PRKAR1B: variants seen among roughly 807,000 people sequenced by gnomAD.
The protein encoded by PRKAR1B is protein kinase cAMP-dependent type I regulatory subunit beta.
In PRKAR1B, 22 loss-of-function variants were observed where a neutral mutation model predicts 46.5. That is an observed-to-expected ratio of 0.47 (90% CI 0.34 to 0.68). The LOEUF (loss-of-function observed/expected upper bound fraction) is 0.68, where lower values mean the gene tolerates loss of function less well. PRKAR1B is among the 30% of genes least tolerant of loss of function. PRKAR1B has a pLI of 0.01. For missense variants in PRKAR1B, 445 were observed against 535.6 expected, an observed-to-expected ratio of 0.83 and a Z score of 1.67; for synonymous variants, 259 against 217.7, an observed-to-expected ratio of 1.19 and a Z score of -1.67.
Position 607,508 on chromosome 7 carries a change from C to G in PRKAR1B, c.441-56G>C, listed in dbSNP as rs1782164356. 4 of 1,415,492 alleles carry G rather than the reference C, an allele frequency of 2.8e-6. No homozygotes were observed. In the South Asian group the frequency reaches 4.6e-5, roughly 16 times the overall value. The allele number at this position is 1,415,492 out of a possible 1,614,324, so 87.7% of individuals were successfully genotyped here. A position where few individuals can be genotyped will look rare whatever the true frequency, so the allele number is the denominator to read the frequency against. On this transcript the variant is annotated intron_variant, in intron 4 of 10. Transcript: ENST00000537384. ...GCAGGCAGCACAGGGACATTTAAAC[C>G]CTTCCTCCCCTCATTTCACAGTCTT...
intron 4 of PRKAR1B, among the ~76,000 whole-genome samples, chr7:645,691 C>A (rs982588990): frequency 6.6e-6 from 1 of 152,138 alleles, no homozygotes; most frequent in African/African-American, 2.4e-5. Context: ...GAGTTCCAAG[C>A]CCTCCAGCCT....
intron 4 of PRKAR1B, among the ~76,000 whole-genome samples, chr7:675,375 C>A (rs1018818527): frequency 6.6e-6 from 1 of 152,226 alleles, no homozygotes; most frequent in Non-Finnish European, 1.5e-5. Flanking sequence ...GAGCCCCCAC[C>A]AGACCACCAC....
intron 1 of PRKAR1B, among the ~76,000 whole-genome samples, chr7:718,587 C>T (rs1306565339): frequency 3.3e-5 from 5 of 151,796 alleles, no homozygotes; most frequent in African/African-American, 1.2e-4. Context: ...GAACTCCTGA[C>T]CTCAGGTGAT....
chr7:656,106 G>T (rs191127857), intron 4 of PRKAR1B, among the ~76,000 whole-genome samples: 10 of 152,302 alleles, frequency 6.6e-5, no homozygotes, highest in Admixed American at 3.9e-4. Context: ...TCCAGCACTG[G>T]GCACAGAGGA....
intron 2 of PRKAR1B, among the ~76,000 whole-genome samples, chr7:688,337 G>A (rs1414864232): frequency 6.6e-6 from 1 of 151,510 alleles, no homozygotes; most frequent in Non-Finnish European, 1.5e-5. Context: ...CCGGGAGGTG[G>A]AGGTTGCGGT....
intron 4 of PRKAR1B, among the ~76,000 whole-genome samples, chr7:628,801 C>A (rs948379726): frequency 1.3e-5 from 2 of 151,892 alleles, no homozygotes; most frequent in Non-Finnish European, 2.9e-5. Context: ...TTCCAAGAAA[C>A]CCTCTGAAAT....
At chr7:558,061 C>T (rs1471636720) in intron 9 of PRKAR1B, among the ~76,000 whole-genome samples, 2 of 152,034 alleles carry the variant, frequency 1.3e-5, no homozygotes, top group Admixed American at 1.3e-4. Flanking sequence ...CGCCTGTAAT[C>T]CCAGCACTTT....
chr7:687,065 G>A (rs1283329184), intron 2 of PRKAR1B, among the ~76,000 whole-genome samples: 1 of 152,152 alleles, frequency 6.6e-6, no homozygotes, highest in African/African-American at 2.4e-5. Flanking sequence ...GGTGATCCAG[G>A]ATTACTAGCA....
Position 669,910 on chromosome 7 carries a change from G to A in PRKAR1B, c.440+7319C>T, listed in dbSNP as rs572250908. Among the ~76,000 whole-genome samples, 941 of 139,510 alleles carry A rather than the reference G, an allele frequency of 6.7e-3. 11 individuals are homozygous for A. Among genetic ancestry groups the A allele is most frequent in the Middle Eastern group, 0.029 (6 of 206 alleles). The allele number at this position is 139,510 out of a possible 152,430, so 91.5% of individuals were successfully genotyped here. On this transcript the variant is annotated intron_variant, in intron 4 of 10. Coordinates refer to ENST00000537384, the MANE Select transcript of PRKAR1B (RefSeq NM_001164760.2). ...AGACGGAGTCTTGCTCTGTCGCCCA[G>A]GCTGGAGTGCAGTGGCACGATCTCA...
In PRKAR1B at chr7:667,976, AAGCTTACGTATCTCTCG is replaced by A. The variant is rs1786026327; in HGVS notation, c.440+9236_440+9252del. On this transcript the variant is annotated intron_variant, in intron 4 of 10. Transcript: ENST00000537384. This position sits in a 1 kb window ranked among gnomAD's most constrained non-coding sequence, Gnocchi z 4.3. ...TTAAACATAATTTCTACCCTTCTCC[AAGCTTACGTATCTCTCG>A]CACAACCTTATGTATCTCCCACACT... Among the ~76,000 whole-genome samples the A allele has an allele frequency of 2.6e-5, 4 of 152,286 alleles. 1 individual carries two copies. In the South Asian group the frequency reaches 8.3e-4, roughly 32 times the overall value.
In PRKAR1B at chr7:579,276, C is replaced by A; in HGVS notation, c.871G>T (p.Asp291Tyr). The change falls in exon 9 of 11, where the codon GAC (aspartate) becomes TAC (tyrosine). Residue 291 changes from aspartate (D) to tyrosine (Y), a missense_variant. Around this residue, in one of 5 missense-constraint regions of PRKAR1B, gnomAD observed 127 missense variants for 138.0 expected, o/e 0.92. Coordinates refer to ENST00000537384, the MANE Select transcript of PRKAR1B (RefSeq NM_001164760.2). ...CTCACCTCCGTGATGATGTAAAAGTCGTCCCCAGGCTCTCCCTGGACCACA... is the reference window on the plus strand; with the variant it reads ...CTCACCTCCGTGATGATGTAAAAGTAGTCCCCAGGCTCTCCCTGGACCACA... ...KIVVQGEPGD[D>Y]FYIITEGTAS... 6.2e-7 allele frequency: 1 copy of A among 1,614,156 alleles called. No individual in the cohort carries two copies. The highest frequency in any genetic ancestry group is 1.1e-5 in the South Asian group (1 of 91,076).
intron 4 of PRKAR1B, among the ~76,000 whole-genome samples, chr7:645,192 C>G (rs1784563776): frequency 6.6e-6 from 1 of 152,150 alleles, no homozygotes; most frequent in Admixed American, 6.5e-5. Context: ...GAGAACCCGG[C>G]CTGCAGCACC....
Position 636,753 on chromosome 7 carries a change from C to T in PRKAR1B, c.441-29301G>A, listed in dbSNP as rs539194189. On this transcript the variant is annotated intron_variant, in intron 4 of 10. Transcript: ENST00000537384. ...TGGGGAGGGGGCCGGCGGGACCTGA[C>T]GGGTCGGGTCCATCTCTCTGTCTCT... 1.1e-4 allele frequency among the ~76,000 whole-genome samples: 17 copies of T among 152,336 alleles called. No individual in the cohort carries two copies. The East Asian group carries it at 2.7e-3, about 24-fold the overall frequency.
intron 1 of PRKAR1B, chr7:726,557 G>C (rs552616486): frequency 4.2e-6 from 2 of 477,674 alleles, no homozygotes; most frequent in Non-Finnish European, 6.5e-6. Context: ...CGGCGACAGA[G>C]GGGGACAGCG....
chr7:693,995 CTGG>C lies in PRKAR1B; in HGVS notation c.178-13272_178-13270del, dbSNP rs1779588212. ...ACTGCCTTTGCGATAACCGCGAGAC[CTGG>C]ACTCGGCCGGGCGTGGTGGCTCACG... On this transcript the variant is annotated intron_variant, in intron 2 of 10. Transcript: ENST00000537384. Among the ~76,000 whole-genome samples, 8 of 152,266 alleles carry C rather than the reference CTGG, an allele frequency of 5.3e-5. No individual in the cohort carries two copies. In the South Asian group the frequency reaches 1.4e-3, roughly 28 times the overall value.
chr7:557,027 A>G (rs1269992542), intron 9 of PRKAR1B, among the ~76,000 whole-genome samples: 1 of 152,158 alleles, frequency 6.6e-6, no homozygotes, highest in African/African-American at 2.4e-5. Context: ...AGCTGCAGAG[A>G]ACCAGGTGCG....
At chr7:598,254 TCCC>T (rs1781383222) in intron 6 of PRKAR1B, among the ~76,000 whole-genome samples, 1 of 121,230 alleles carries the variant, frequency 8.2e-6, no homozygotes, top group Non-Finnish European at 1.7e-5. Flanking sequence ...ACCATCACCC[TCCC>T]TCCAGCACCC....
intron 4 of PRKAR1B, among the ~76,000 whole-genome samples, chr7:655,873 A>G (rs1283739460): frequency 6.6e-6 from 1 of 152,120 alleles, no homozygotes; most frequent in Non-Finnish European, 1.5e-5. Flanking sequence ...AGAGCAAATG[A>G]CGCCCCTACT....
intron 4 of PRKAR1B, among the ~76,000 whole-genome samples, chr7:642,732 CAAAA>C (rs1248939007): frequency 4.0e-5 from 3 of 74,204 alleles, no homozygotes; most frequent in Admixed American, 1.6e-4. Context: ...GACTCCGTCT[CAAAA>C]AAAAAAAAAA....
Sources: allele counts gnomAD v4.1 joint callset (sites outside exome capture counted in the v4.1 genomes callset), GRCh38; gene constraint gnomAD v4.1.1; regional missense constraint gnomAD v4.1.1; non-coding constraint Gnocchi (gnomAD v3.1); transcripts MANE v1.5; gene names NCBI Gene and HGNC (gene_info 2026-07-23, HGNC 2026-07-21).